Variants in GLG1 observed in about 807,000 individuals in gnomAD.
GLG1 encodes the protein golgi glycoprotein 1.
Under a neutral mutation model 160.5 loss-of-function variants are expected in GLG1, and 38 were observed. The ratio of observed to expected loss-of-function variants is 0.24; its 90% confidence interval spans 0.18 to 0.31. The LOEUF (loss-of-function observed/expected upper bound fraction) is 0.31. Ranked by LOEUF, GLG1 falls within the 10% of genes least tolerant of loss-of-function variation. GLG1 has a pLI of 1.00. For missense variants in GLG1, 1,373 were observed against 1,505.2 expected (o/e 0.91, Z 1.45); for synonymous variants, 644 against 543.4 (o/e 1.19, Z -2.57).
chr16:74,503,791 G>A (rs777810735), intron 3 of GLG1, 45 bp from the exon 4 acceptor site: 37 of 1,181,110 alleles, frequency 3.1e-5, no homozygotes, highest in Middle Eastern at 1.9e-4. Context: ...TTCCATGCTC[G>A]TATCAAACAA....
chr16:74,538,640 G>A (rs2017749316), intron 1 of GLG1, among the ~76,000 whole-genome samples: 1 of 152,020 alleles, frequency 6.6e-6, no homozygotes, highest in Non-Finnish European at 1.5e-5. Flanking sequence ...ATTCACTAAA[G>A]AGTTGTAGCT....
intron 1 of GLG1, among the ~76,000 whole-genome samples, chr16:74,549,332 T>C: frequency 6.6e-6 from 1 of 152,052 alleles, no homozygotes; most frequent in Middle Eastern, 3.2e-3. Flanking sequence ...CTTGCTCTGT[T>C]GCCCAGGCTG....
At chr16:74,570,943 G>A (rs3935784) in intron 1 of GLG1, among the ~76,000 whole-genome samples, 35,210 of 151,482 alleles carry the variant, frequency 0.23, 4,810 homozygotes, top group South Asian at 0.49. Flanking sequence ...TTCACTCTTT[G>A]TGTTTTTTTG....
chr16:74,536,224 T>A (rs2017683486), intron 1 of GLG1, among the ~76,000 whole-genome samples: 1 of 152,162 alleles, frequency 6.6e-6, no homozygotes, highest in South Asian at 2.1e-4. Flanking sequence ...AGTACATCTA[T>A]TTCCACAAAA....
At chr16:74,453,449 G>C (rs2014405755) in intron 25 of GLG1, 115 bp from the exon 26 acceptor site, 1 of 657,794 alleles carries the variant, frequency 1.5e-6, no homozygotes, top group Non-Finnish European at 2.6e-6. Flanking sequence ...CTTTTGGAGA[G>C]GGAGGGCAGG....
intron 9 of GLG1, among the ~76,000 whole-genome samples, chr16:74,484,718 A>G (rs902674507): frequency 1.3e-5 from 2 of 151,624 alleles, no homozygotes; most frequent in African/African-American, 4.9e-5. Context: ...ACTAAGCGAG[A>G]TTGCGCCACT....
chr16:74,482,983 G>C (rs2015657685), intron 10 of GLG1, 40 bp downstream of exon 10: 1 of 1,010,062 alleles, frequency 9.9e-7, no homozygotes. Context: ...CAGGAGAAGA[G>C]GCTGAGGCAA....
At chr16:74,549,304 T>C (rs2018134729) in intron 1 of GLG1, among the ~76,000 whole-genome samples, 2 of 151,916 alleles carry the variant, frequency 1.3e-5, no homozygotes, top group South Asian at 4.2e-4. Context: ...TTCTCCATCT[T>C]TTTTTTTGAT....
intron 10 of GLG1, among the ~76,000 whole-genome samples, chr16:74,482,296 T>C (rs1451892318): frequency 6.6e-6 from 1 of 152,132 alleles, no homozygotes; most frequent in Non-Finnish European, 1.5e-5. Context: ...CTGGCCAAAA[T>C]ATATATTAAT....
intron 1 of GLG1, among the ~76,000 whole-genome samples, chr16:74,571,021 G>A (rs2018811202): frequency 6.6e-6 from 1 of 151,442 alleles, no homozygotes; most frequent in Non-Finnish European, 1.5e-5. Flanking sequence ...ATGGCTACCT[G>A]ACCTGCTTTG....
At chr16:74,454,014 G>A (rs566139370) in intron 25 of GLG1, among the ~76,000 whole-genome samples, 1 of 151,484 alleles carries the variant, frequency 6.6e-6, no homozygotes, top group East Asian at 2.0e-4. Flanking sequence ...TGGGACTACA[G>A]GTGCACGCCA....
rs1315059849 is a variant in GLG1 at position 74,511,927 on chromosome 16, CT to C, written c.472-3003del. ...TGCTAAACATTTTACTGTATCTCATCTTTTTTTTGTTCATTTCAAATTGATA... is the reference window on the plus strand; with the variant it reads ...TGCTAAACATTTTACTGTATCTCATCTTTTTTTGTTCATTTCAAATTGATA... On this transcript the variant is annotated intron_variant, in intron 2 of 25. Coordinates refer to ENST00000422840, the MANE Select transcript of GLG1 (RefSeq NM_001145667.2). Among the ~76,000 whole-genome samples the C allele has an allele frequency of 4.0e-5, 6 of 151,698 alleles. No individual in the cohort carries two copies. In the South Asian group the frequency reaches 6.2e-4, roughly 16 times the overall value.
intron 23 of GLG1, among the ~76,000 whole-genome samples, chr16:74,459,364 G>A (rs1597219071): frequency 6.6e-6 from 1 of 152,272 alleles, no homozygotes; most frequent in South Asian, 2.1e-4. Flanking sequence ...TATAGTCCCA[G>A]CTACTTGGGA....
intron 8 of GLG1, among the ~76,000 whole-genome samples, chr16:74,488,598 ATTTTT>A (rs1481474455): frequency 6.6e-6 from 1 of 151,908 alleles, no homozygotes; most frequent in African/African-American, 2.4e-5. Context: ...GGCTAAATTT[ATTTTT>A]TATTTTATTT....
intron 1 of GLG1, among the ~76,000 whole-genome samples, chr16:74,604,970 C>T (rs1303087918): frequency 2.0e-5 from 3 of 152,046 alleles, no homozygotes; most frequent in Non-Finnish European, 2.9e-5. Flanking sequence ...TGCTTAAAGC[C>T]GGGAGGTGGA....
Position 74,450,620 on chromosome 16 carries a change from G to A in GLG1, c.*2547C>T, listed in dbSNP as rs549203194. ...AATCCCAGCACTTTGGGAAGCTGAGGCGGGTGGATCATGAGATCAGGAGTT... is the reference window on the plus strand; with the variant it reads ...AATCCCAGCACTTTGGGAAGCTGAGACGGGTGGATCATGAGATCAGGAGTT... On this transcript the variant is annotated 3_prime_UTR_variant, in exon 26 of 26. Transcript: ENST00000422840. 1 of 152,224 alleles carries A rather than the reference G, an allele frequency of 6.6e-6. No individual in the cohort carries two copies. Among genetic ancestry groups the A allele is most frequent in the African/African-American group, 2.4e-5 (1 of 41,444 alleles). 9.4% of individuals were successfully genotyped at this position (152,224 alleles called of 1,614,324 possible).
In GLG1 at chr16:74,456,655, T is replaced by A. The variant is rs931872353; in HGVS notation, c.3366A>T (p.Ala1122=). The change falls in exon 25 of 26, where the codon GCA becomes GCT. Residue 1122 remains alanine, a synonymous_variant. Coordinates refer to ENST00000422840, the MANE Select transcript of GLG1 (RefSeq NM_001145667.2). Reference sequence around the variant, plus strand: ...AGATTCTCTTGGTCATTACCTTTGCTGCGTAACTCCACATCTCAATCCGGT... The same window carrying A: ...AGATTCTCTTGGTCATTACCTTTGCAGCGTAACTCCACATCTCAATCCGGT... ...LNDRIEMWSY[A]AKVAPADGFS... is the part of the protein sequence containing the mutation. The A allele has an allele frequency of 6.3e-7, 1 of 1,592,974 alleles. No homozygotes were observed. The highest frequency in any genetic ancestry group is 1.4e-5 in the African/African-American group (1 of 73,944).
intron 12 of GLG1, among the ~76,000 whole-genome samples, chr16:74,476,144 T>C (rs1244514642): frequency 1.3e-5 from 2 of 151,782 alleles, no homozygotes; most frequent in Non-Finnish European, 2.9e-5. Flanking sequence ...ATCGTGCCAC[T>C]GCACTCCAGC....
intron 7 of GLG1, 117 bp from the exon 8 acceptor site, chr16:74,491,332 T>A: frequency 1.3e-6 from 1 of 751,224 alleles, no homozygotes; most frequent in South Asian, 1.7e-5. Context: ...CTATCAGACA[T>A]GCTAACATCT....
Sources: allele counts gnomAD v4.1 joint callset (sites outside exome capture counted in the v4.1 genomes callset), GRCh38; gene constraint gnomAD v4.1.1; transcripts MANE v1.5; gene names NCBI Gene and HGNC (gene_info 2026-07-23, HGNC 2026-07-21).